The following DST variants were observed in gnomAD, a reference collection of about 807,000 sequenced individuals.
DST encodes dystonin.
In DST, 253 loss-of-function variants were observed where a neutral mutation model predicts 875.2. The ratio of observed to expected loss-of-function variants is 0.29; its 90% CI spans 0.26 to 0.32. The LOEUF (loss-of-function observed/expected upper bound fraction) is 0.32. Among genes scored for constraint, DST ranks in the 10% least tolerant of loss-of-function variants. The pLI is 1.00. For missense variants in DST, 8,287 were observed against 9,111.6 expected, an observed-to-expected ratio of 0.91 and a Z score of 3.68; for synonymous variants, 3,124 against 3,197.1, an observed-to-expected ratio of 0.98 and a Z score of 0.77.
At chr6:56,617,437 A>C (rs974708013) in intron 36 of DST, 2 of 1,594,416 alleles carry the variant, frequency 1.3e-6, no homozygotes, top group African/African-American at 2.7e-5. Context: ...GGAATTTATA[A>C]AATGTTAAAA....
At chr6:56,706,571 G>T (rs1282980968) in intron 5 of DST, among the ~76,000 whole-genome samples, 1 of 152,160 alleles carries the variant, frequency 6.6e-6, no homozygotes, top group Non-Finnish European at 1.5e-5. Context: ...CCTACTCATG[G>T]ACTGGTTTCA....
chr6:56,879,737 T>C (rs929094702), intron 3 of DST, among the ~76,000 whole-genome samples: 1 of 152,210 alleles, frequency 6.6e-6, no homozygotes, highest in African/African-American at 2.4e-5. Context: ...ACACTCACTA[T>C]AAAGTTATGA....
chr6:56,665,917 A>T (rs1588117884), intron 10 of DST, among the ~76,000 whole-genome samples: 1 of 152,360 alleles, frequency 6.6e-6, no homozygotes, highest in African/African-American at 2.4e-5. Flanking sequence ...AACACATTAA[A>T]AAACAGCTAG....
At chr6:56,900,185 A>C (rs1793408387) in intron 3 of DST, among the ~76,000 whole-genome samples, 1 of 152,120 alleles carries the variant, frequency 6.6e-6, no homozygotes, top group African/African-American at 2.4e-5. Flanking sequence ...ACCAGCTTTC[A>C]TATCAGCTGC....
intron 5 of DST, among the ~76,000 whole-genome samples, chr6:56,705,971 C>T (rs1158419913): frequency 6.6e-6 from 1 of 151,982 alleles, no homozygotes; most frequent in Non-Finnish European, 1.5e-5. Flanking sequence ...TTTATTTAGC[C>T]CCAAAAAATG....
chr6:56,881,851 T>C (rs1782374841), intron 3 of DST, among the ~76,000 whole-genome samples: 1 of 152,116 alleles, frequency 6.6e-6, no homozygotes, highest in Non-Finnish European at 1.5e-5. Context: ...TCATTCACAT[T>C]TTATTAAATG....
intron 58 of DST, among the ~76,000 whole-genome samples, chr6:56,559,227 C>T (rs543987570): frequency 3.3e-5 from 5 of 152,126 alleles, no homozygotes; most frequent in African/African-American, 1.2e-4. Context: ...AAAACTCATC[C>T]AGAAGGTTTT....
At chr6:56,514,551 C>A in intron 72 of DST, among the ~76,000 whole-genome samples, 1 of 149,532 alleles carries the variant, frequency 6.7e-6, no homozygotes, top group African/African-American at 2.5e-5. Context: ...TCCCTCTCTC[C>A]CTCCTTCTCT....
At chr6:56,467,941 T>C (rs1444000820) in intron 98 of DST, among the ~76,000 whole-genome samples, 1 of 152,136 alleles carries the variant, frequency 6.6e-6, no homozygotes, top group Non-Finnish European at 1.5e-5. Context: ...ATAGCAAGAA[T>C]GGAAAAGTAA....
chr6:56,720,140 G>A (rs1487191795), intron 5 of DST, among the ~76,000 whole-genome samples: 2 of 152,092 alleles, frequency 1.3e-5, no homozygotes, highest in African/African-American at 4.8e-5. Context: ...CATAGAAGAC[G>A]GCCACACCCA....
Position 56,509,391 on chromosome 6 carries a change from A to G in DST, c.19012+251T>C, listed in dbSNP as rs149569369. ...ACTGATTTAAAAGGCCTGAATACAC[A>G]TGGTCTTTGAACATATGGTCTTTAT... On this transcript the variant is annotated intron_variant, in intron 74 of 103. Transcript: ENST00000680361. Among the ~76,000 whole-genome samples, 268 of 152,266 alleles carry G rather than the reference A, an allele frequency of 1.8e-3. 1 individual carries two copies. The highest frequency in any genetic ancestry group is 6.0e-3 in the African/African-American group (249 of 41,556).
At chr6:56,531,979 T>C (rs1300461278) in intron 64 of DST, among the ~76,000 whole-genome samples, 2 of 152,190 alleles carry the variant, frequency 1.3e-5, no homozygotes, top group Admixed American at 6.5e-5. Flanking sequence ...TACTTCTCAA[T>C]GGCTATAAAC....
chr6:56,656,328 G>A (rs1361820007), intron 10 of DST, among the ~76,000 whole-genome samples: 2 of 152,234 alleles, frequency 1.3e-5, no homozygotes, highest in Non-Finnish European at 2.9e-5. Context: ...GTTTCAAAAA[G>A]CACATGTTGC....
rs147873881 is a variant in DST, at chr6:56,899,807, C to T, written c.417+614G>A. Among the ~76,000 whole-genome samples the T allele has an allele frequency of 2.0e-5, 3 of 152,326 alleles. No individual in the cohort carries two copies. The East Asian group carries it at 5.8e-4, about 29-fold the overall frequency. ...GTGAGAAGGGGATGAAGACCAGCTC[C>T]TAGTTGAGCCCTGAGTTTCTGAAGA... On this transcript the variant is annotated intron_variant, in intron 3 of 103. Coordinates refer to ENST00000680361, the MANE Select transcript of DST (RefSeq NM_001374736.1).
In DST at chr6:56,894,583, C is replaced by T. The variant is rs1449013620; in HGVS notation, c.417+5838G>A. Among the ~76,000 whole-genome samples, 17 of 43,618 alleles carry T rather than the reference C, an allele frequency of 3.9e-4. 1 individual carries two copies. The highest frequency in any genetic ancestry group is 4.4e-4 in the Non-Finnish European group (11 of 25,174). 28.6% of individuals were successfully genotyped at this position (43,618 alleles called of 152,430 possible). ...GGGGCGGCTGGCCGGGCAGAGGGGT[C>T]CTCACTTCCCAGTAGGGGCGGCCGG... On this transcript the variant is annotated intron_variant, in intron 3 of 103. Transcript: ENST00000680361.
chr6:56,843,134 G>A, intron 4 of DST: 1 of 1,566,576 alleles, frequency 6.4e-7, no homozygotes, highest in Non-Finnish European at 8.7e-7. Flanking sequence ...CAGGGGAGAG[G>A]TAACCCGCCA....
chr6:56,820,508 A>G (rs1032875527), intron 4 of DST, among the ~76,000 whole-genome samples: 4 of 152,220 alleles, frequency 2.6e-5, no homozygotes, highest in African/African-American at 9.6e-5. Flanking sequence ...TACATTTGCT[A>G]TTATCTTTAC....
chr6:56,825,474 G>A (rs1348812113), intron 4 of DST, among the ~76,000 whole-genome samples: 1 of 116,410 alleles, frequency 8.6e-6, no homozygotes, highest in African/African-American at 3.3e-5. Flanking sequence ...CCCTCTCTGG[G>A]AAACACCCAA....
chr6:56,642,360 G>A (rs758983973), intron 16 of DST, 50 bp downstream of exon 16: 11 of 1,297,252 alleles, frequency 8.5e-6, no homozygotes, highest in Admixed American at 6.7e-5. Flanking sequence ...TCATCCAAAC[G>A]CACAGTGACT....
Sources: allele counts gnomAD v4.1 joint callset (sites outside exome capture counted in the v4.1 genomes callset), GRCh38; gene constraint gnomAD v4.1.1; transcripts MANE v1.5; gene names NCBI Gene and HGNC (gene_info 2026-07-23, HGNC 2026-07-21).